Variants in XPO4 observed in about 807,000 individuals in gnomAD.
XPO4 encodes the protein exportin 4.
XPO4 carries 39 observed loss-of-function variants against 143.0 expected under a neutral mutation model. That is an observed-to-expected ratio of 0.27 (90% CI 0.21 to 0.36). XPO4 has a LOEUF of 0.36. Among genes scored for constraint, XPO4 ranks in the 10% least tolerant of loss-of-function variants. The pLI is 1.00. For missense variants in XPO4, 907 were observed against 1,348.0 expected (o/e 0.67, Z 5.12); for synonymous variants, 439 against 474.0 (o/e 0.93, Z 0.96).
chr13:20,800,261 T>C lies in XPO4; in HGVS notation c.2042A>G (p.Tyr681Cys), dbSNP rs759376717. Residue 681 changes from tyrosine to cysteine, a missense_variant, in exon 15 of 23, where the codon TAC becomes TGC. Physicochemically the swap from Tyr to Cys is radical, Grantham distance 194. Transcript: ENST00000255305. ...DTEGSQWIIG[Y>C]LLQKVISNLS... ...GTTACTGATGACTTTTTGTAAGAGG[T>C]AGCCAATTATCCACTGAGAACCCTC... is the stretch of plus-strand genomic sequence containing the variant. 2 of 1,614,048 alleles carry C rather than the reference T, an allele frequency of 1.2e-6. No homozygotes were observed. Among genetic ancestry groups the C allele is most frequent in the Non-Finnish European group, 1.7e-6 (2 of 1,180,000 alleles).
chr13:20,829,366 A>G (rs2059824666), intron 6 of XPO4, among the ~76,000 whole-genome samples: 1 of 152,232 alleles, frequency 6.6e-6, no homozygotes, highest in Non-Finnish European at 1.5e-5. Context: ...ATAACTAGGA[A>G]AATAATGATT....
chr13:20,785,170 CT>C (rs1159513788), intron 22 of XPO4, among the ~76,000 whole-genome samples: 6 of 152,086 alleles, frequency 3.9e-5, no homozygotes, highest in African/African-American at 1.4e-4. Context: ...ACCTGGCATG[CT>C]GTAATTTTTC....
chr13:20,889,013 A>C (rs2060487541), intron 1 of XPO4, among the ~76,000 whole-genome samples: 1 of 152,130 alleles, frequency 6.6e-6, no homozygotes, highest in East Asian at 1.9e-4. Flanking sequence ...AGATTTCACC[A>C]TGTTGGTCAG....
At chr13:20,801,021 T>A in intron 13 of XPO4, 31 bp from the exon 14 acceptor site, 1 of 1,595,536 alleles carries the variant, frequency 6.3e-7, no homozygotes, top group Admixed American at 1.8e-5. Context: ...TCATTTATTC[T>A]TTTATTTATT....
At chr13:20,880,162 G>A (rs546938333) in intron 1 of XPO4, among the ~76,000 whole-genome samples, 373 of 152,296 alleles carry the variant, frequency 2.4e-3, no homozygotes, top group African/African-American at 3.4e-3. Flanking sequence ...AGACGGGCGC[G>A]GTGGCTCATG....
intron 1 of XPO4, among the ~76,000 whole-genome samples, chr13:20,887,597 G>A (rs1040076339): frequency 6.6e-6 from 1 of 152,222 alleles, no homozygotes; most frequent in Non-Finnish European, 1.5e-5. Flanking sequence ...GCTCATGCCT[G>A]TAATCCCAGC....
intron 9 of XPO4, among the ~76,000 whole-genome samples, chr13:20,818,173 G>C (rs1488075133): frequency 1.3e-5 from 2 of 151,908 alleles, no homozygotes; most frequent in East Asian, 3.9e-4. Flanking sequence ...TTGATTTCTG[G>C]GTATAATGAA....
rs2060619804 is a variant in XPO4 at position 20,901,458 on chromosome 13, G to C, written c.69+1212C>G. On this transcript the variant is annotated intron_variant, in intron 1 of 22. Transcript: ENST00000255305. ...ATTTTACAAAACGCTCTATGTCAGG[G>C]ATTTTTAAGAATCTTTTATTAAGGG... Among the ~76,000 whole-genome samples, 4 of 152,138 alleles carry C rather than the reference G, an allele frequency of 2.6e-5. No homozygotes were observed. The South Asian group carries it at 8.3e-4, about 31-fold the overall frequency.
At chr13:20,854,221 C>T (rs971871356) in intron 4 of XPO4, among the ~76,000 whole-genome samples, 17 of 152,154 alleles carry the variant, frequency 1.1e-4, no homozygotes, top group Non-Finnish European at 1.2e-4. Flanking sequence ...TTACAGATTC[C>T]GTGGGTCTAG....
Position 20,790,562 on chromosome 13 carries a change from T to C in XPO4, c.2816A>G (p.His939Arg). ...TCTGTTTGCTGCTTGACCTGGCTCA[T>C]GTCCTCTAAACACTTCATCTATTAA... is the stretch of plus-strand genomic sequence containing the variant. ...FSDTDEVFRG[H>R]EPGQAANRSV... The change falls in exon 19 of 23, where the codon CAT (histidine) becomes CGT (arginine). Residue 939 changes from histidine to arginine, a missense_variant. Transcript: ENST00000255305. The C allele has an allele frequency of 2.5e-6, 4 of 1,614,130 alleles. No homozygotes were observed. The highest frequency in any genetic ancestry group is 3.4e-6 in the Non-Finnish European group (4 of 1,179,992).
rs545457024 is a variant in XPO4 at position 20,887,585 on chromosome 13, T to C, written c.69+15085A>G. The stretch of plus-strand genomic sequence containing the variant: ...AGAAAATAAACAAGGTTGAGCACTG[T>C]GGCTCATGCCTGTAATCCCAGCACT... On this transcript the variant is annotated intron_variant, in intron 1 of 22. Transcript: ENST00000255305. Among the ~76,000 whole-genome samples the C allele has an allele frequency of 3.9e-5, 6 of 152,368 alleles. No homozygotes were observed. The South Asian group carries it at 1.0e-3, about 26-fold the overall frequency.
Position 20,896,751 on chromosome 13 carries a change from A to C in XPO4, c.69+5919T>G, listed in dbSNP as rs182472301. Among the ~76,000 whole-genome samples the C allele has an allele frequency of 3.9e-5, 6 of 152,292 alleles. No homozygotes were observed. In the East Asian group the frequency reaches 1.2e-3, roughly 29 times the overall value. On this transcript the variant is annotated intron_variant, in intron 1 of 22. Coordinates refer to ENST00000255305, the MANE Select transcript of XPO4 (RefSeq NM_022459.5). The stretch of plus-strand genomic sequence containing the variant: ...TACTGTATCAGTTAGACCCTCCAGA[A>C]GGTATTAAATAACAGTTATATTAGG...
At chr13:20,804,661 T>C (rs2059481159) in intron 13 of XPO4, among the ~76,000 whole-genome samples, 1 of 152,164 alleles carries the variant, frequency 6.6e-6, no homozygotes, top group Non-Finnish European at 1.5e-5. Context: ...TATTTTTAAG[T>C]TGTTGATATT....
intron 3 of XPO4, 53 bp downstream of exon 3, chr13:20,862,664 G>C: frequency 6.3e-7 from 1 of 1,597,786 alleles, no homozygotes; most frequent in Non-Finnish European, 8.5e-7. Flanking sequence ...GCTCTAAAAA[G>C]ATACACATAA....
intron 1 of XPO4, among the ~76,000 whole-genome samples, chr13:20,876,093 C>CAAAAAAAAAAAAAAAAA (rs11301411): frequency 2.2e-5 from 2 of 90,738 alleles, no homozygotes; most frequent in African/African-American, 4.0e-5. Context: ...CTACTAAATA[C>CAAAAAAAAAAAAAAAAA]AAAAAAAAAA....
chr13:20,785,301 C>T (rs928972635), intron 22 of XPO4, among the ~76,000 whole-genome samples: 2 of 152,164 alleles, frequency 1.3e-5, no homozygotes, highest in Admixed American at 1.3e-4. Flanking sequence ...AGTGGCTCCC[C>T]TAATTGCCTT....
rs969061062 is a variant in XPO4 at position 20,781,787 on chromosome 13, C to T, written c.*1935G>A. On this transcript the variant is annotated 3_prime_UTR_variant, in exon 23 of 23. Coordinates refer to ENST00000255305, the MANE Select transcript of XPO4 (RefSeq NM_022459.5). ...AGCACACACACAGATACACATAATT[C>T]ACAACAGCTGAGAAAGCTTGAGGGA... 2.0e-5 allele frequency: 3 copies of T among 151,922 alleles called. No individual in the cohort carries two copies. Among genetic ancestry groups the T allele is most frequent in the East Asian group, 3.9e-4 (2 of 5,180 alleles). 9.4% of individuals were successfully genotyped at this position (151,922 alleles called of 1,614,324 possible).
At chr13:20,870,104 A>AAAAAAAATTG (rs1352783292) in intron 1 of XPO4, among the ~76,000 whole-genome samples, 4 of 149,580 alleles carry the variant, frequency 2.7e-5, no homozygotes, top group African/African-American at 1.0e-4. Context: ...AAAAAAAAAA[A>AAAAAAAATTG]AAAGAATTGT....
intron 4 of XPO4, among the ~76,000 whole-genome samples, chr13:20,853,689 A>C (rs192510452): frequency 1.4e-4 from 22 of 152,330 alleles, no homozygotes; most frequent in African/African-American, 4.8e-4. Flanking sequence ...GGGGCCATAA[A>C]ATTAAATTAT....
Sources: allele counts gnomAD v4.1 joint callset (sites outside exome capture counted in the v4.1 genomes callset), GRCh38; gene constraint gnomAD v4.1.1; transcripts MANE v1.5; gene names NCBI Gene and HGNC (gene_info 2026-07-23, HGNC 2026-07-21).